Variants in HMCN2 observed in about 807,000 individuals in gnomAD.
HMCN2 encodes hemicentin-2.
A neutral mutation model predicts 377.5 loss-of-function variants in HMCN2; 325 were observed. The ratio of observed to expected loss-of-function variants is 0.86; its 90% confidence interval spans 0.79 to 0.94. The LOEUF (loss-of-function observed/expected upper bound fraction) is 0.94. HMCN2 is among the 40% of genes least tolerant of loss of function. HMCN2 has a pLI of 0.00. For synonymous variants in HMCN2, 2,007 were observed against 2,046.8 expected, an observed-to-expected ratio of 0.98 and a Z score of 0.53; for missense variants, 4,543 against 4,725.3, an observed-to-expected ratio of 0.96 and a Z score of 1.13.
chr9:130,312,714 G>A (rs1837337020), intron 15 of HMCN2, among the ~76,000 whole-genome samples: 2 of 149,016 alleles, frequency 1.3e-5, no homozygotes, highest in Non-Finnish European at 3.0e-5. Context: ...TGCCCAGGCT[G>A]GAGTGCCCAG....
chr9:130,425,724 A>G lies in HMCN2; in HGVS notation c.13679A>G (p.Gln4560Arg), dbSNP rs1332871875. ...EEHYVQTGPG[Q>R]LFVGSTQRFF... ...CACTACGTGCAAACAGGGCCTGGCC[A>G]GCTGTTCGTGGGCTCCACACAGCGC... Residue 4560 changes from glutamine (Q) to arginine (R), a missense_variant, in exon 90 of 98, where the codon CAG becomes CGG. Gln to Arg is a conservative substitution (Grantham distance 43, BLOSUM62 1). Coordinates refer to ENST00000683500, the MANE Select transcript of HMCN2 (RefSeq NM_001291815.2). 6.8e-7 allele frequency: 1 copy of G among 1,481,338 alleles called. No homozygotes were observed. Among genetic ancestry groups the G allele is most frequent in the Admixed American group, 2.2e-5 (1 of 46,378 alleles). 91.8% of individuals were successfully genotyped at this position (1,481,338 alleles called of 1,614,324 possible).
Position 130,393,904 on chromosome 9 carries a change from G to A in HMCN2, c.10397G>A (p.Ser3466Asn). 1.1e-5 allele frequency: 14 copies of A among 1,289,630 alleles called. No individual in the cohort carries two copies. The highest frequency in any genetic ancestry group is 1.4e-5 in the Non-Finnish European group (14 of 988,824). 79.9% of individuals were successfully genotyped at this position (1,289,630 alleles called of 1,614,324 possible). A position where few individuals can be genotyped will look rare whatever the true frequency, so the allele number is the denominator to read the frequency against. ...LLSQSLEQGP[S>N]LQLEAVGAGD... Reference sequence around the variant, plus strand: ...TCCCAGAGCCTCGAGCAGGGGCCCAGCCTGCAGCTGGAGGCAGTGGGAGCT... The same window carrying A: ...TCCCAGAGCCTCGAGCAGGGGCCCAACCTGCAGCTGGAGGCAGTGGGAGCT... The change falls in exon 68 of 98, where the codon AGC (serine) becomes AAC (asparagine). Residue 3466 changes from serine to asparagine, a missense_variant. By Grantham distance (46) the Ser-to-Asn change is conservative. Transcript: ENST00000683500. This position sits in a 1 kb window ranked among gnomAD's most constrained non-coding sequence, Gnocchi z 5.2.
chr9:130,428,350 G>T lies in HMCN2; in HGVS notation c.14066-8G>T. 1 of 1,543,310 alleles carries T rather than the reference G, an allele frequency of 6.5e-7. No homozygotes were observed. On this transcript the variant is annotated splice_polypyrimidine_tract_variant and splice_region_variant and intron_variant, in intron 92 of 97. Transcript: ENST00000683500. The surrounding 1 kb of genome is among the most constrained non-coding windows in gnomAD (Gnocchi z 5.0). Reference sequence around the variant, plus strand: ...TTCACACAGCCGTCTGCCCTGATCTGCCCCCAGATGTGGACGAGTGTGCGT... The same window carrying T: ...TTCACACAGCCGTCTGCCCTGATCTTCCCCCAGATGTGGACGAGTGTGCGT...
In HMCN2 at chr9:130,389,051, C is replaced by T. The variant is rs369903062; in HGVS notation, c.9523+511C>T. 4.3e-4 allele frequency among the ~76,000 whole-genome samples: 66 copies of T among 152,318 alleles called. 2 individuals carry two copies. The South Asian group carries it at 0.013, about 30-fold the overall frequency. ...TCTCCTGGGCCCACTGTGCCTCTCACGCAGGCTCCACGTGGGGCAGAAAGG... is the reference window on the plus strand; with the variant it reads ...TCTCCTGGGCCCACTGTGCCTCTCATGCAGGCTCCACGTGGGGCAGAAAGG... On this transcript the variant is annotated intron_variant, in intron 62 of 97. Coordinates refer to ENST00000683500, the MANE Select transcript of HMCN2 (RefSeq NM_001291815.2).
intron 85 of HMCN2, 120 bp downstream of exon 85, chr9:130,410,772 C>T (rs187931252): frequency 9.7e-5 from 78 of 802,532 alleles, no homozygotes; most frequent in Non-Finnish European, 1.4e-4. Context: ...TTAATACTTA[C>T]TTGGAACACA....
chr9:130,431,164 G>A lies in HMCN2; in HGVS notation c.14648-203G>A, dbSNP rs1588454458. On this transcript the variant is annotated intron_variant, in intron 95 of 97. Coordinates refer to ENST00000683500, the MANE Select transcript of HMCN2 (RefSeq NM_001291815.2). ...CCTTCTATGCCTTGGTGAGCACGGGGTAGGTAAGGTGGGGCTCCTCCCTCT... is the reference window on the plus strand; with the variant it reads ...CCTTCTATGCCTTGGTGAGCACGGGATAGGTAAGGTGGGGCTCCTCCCTCT... 8.3e-6 allele frequency: 5 copies of A among 604,430 alleles called. No individual in the cohort carries two copies. In the East Asian group the frequency reaches 1.1e-4, roughly 13 times the overall value. 37.4% of individuals were successfully genotyped at this position (604,430 alleles called of 1,614,324 possible).
In HMCN2 at chr9:130,394,624, G is replaced by T. The variant is rs1181539350; in HGVS notation, c.10692+49G>T. 1 of 1,227,802 alleles carries T rather than the reference G, an allele frequency of 8.1e-7. No homozygotes were observed. The highest frequency in any genetic ancestry group is 5.7e-5 in the East Asian group (1 of 17,518). The allele number at this position is 1,227,802 out of a possible 1,614,324, so 76.1% of individuals were successfully genotyped here. Reference sequence around the variant, plus strand: ...CGAGGCTGGGGGTTGGGGGAGAGGGGAGGGACTGCAGGTTCCCCAGACCCA... The same window carrying T: ...CGAGGCTGGGGGTTGGGGGAGAGGGTAGGGACTGCAGGTTCCCCAGACCCA... On this transcript the variant is annotated intron_variant, in intron 69 of 97. Transcript: ENST00000683500. The surrounding 1 kb of genome is among the most constrained non-coding windows in gnomAD (Gnocchi z 5.1).
intron 1 of HMCN2, among the ~76,000 whole-genome samples, chr9:130,277,730 CCAT>C (rs1463995067): frequency 2.4e-4 from 34 of 142,104 alleles, no homozygotes; most frequent in Admixed American, 4.2e-4. Context: ...ACCACCACCA[CCAT>C]CATCATCACC....
chr9:130,342,296 G>A (rs1447073093), intron 24 of HMCN2, 54 bp from the exon 25 acceptor site: 1 of 152,316 alleles, frequency 6.6e-6, no homozygotes, highest in Non-Finnish European at 1.5e-5. Context: ...AGGGGTTGAG[G>A]GGTGCCAGGC....
intron 55 of HMCN2, 93 bp downstream of exon 55, chr9:130,382,390 T>G (rs1841776314): frequency 2.2e-6 from 1 of 444,724 alleles, no homozygotes; most frequent in African/African-American, 2.1e-5. Context: ...GCACACAGTC[T>G]TGCTGTACTC....
intron 76 of HMCN2, chr9:130,400,258 TG>T (rs1554967815): frequency 1.3e-5 from 2 of 153,012 alleles, no homozygotes; most frequent in Non-Finnish European, 2.9e-5. Flanking sequence ...TATAGAAAGC[TG>T]TATCCCACTG....
At chr9:130,373,262 A>G in intron 48 of HMCN2, 138 bp downstream of exon 48, 1 of 158,006 alleles carries the variant, frequency 6.3e-6, no homozygotes, top group Middle Eastern at 3.2e-3. Flanking sequence ...TGGACTCGGC[A>G]CCAGGTCCCA....
intron 1 of HMCN2, among the ~76,000 whole-genome samples, chr9:130,282,517 G>A (rs1309674047): frequency 6.6e-6 from 1 of 152,184 alleles, no homozygotes; most frequent in Non-Finnish European, 1.5e-5. Context: ...GTGTAGTTCA[G>A]AGGAAAGGAC....
chr9:130,280,905 A>C (rs374169471), intron 1 of HMCN2, among the ~76,000 whole-genome samples: 1 of 152,020 alleles, frequency 6.6e-6, no homozygotes, highest in East Asian at 1.9e-4. Context: ...GGAGATCGAG[A>C]CCATCCTGGC....
rs545594905 is a variant in HMCN2, at chr9:130,268,852, A to G, written c.259+2715A>G. ...AAGGGCAAGATTGGACACAGCCGTG[A>G]GTGCAGGGCCGATTGATGCCTTGGC... On this transcript the variant is annotated intron_variant, in intron 1 of 97. Transcript: ENST00000683500. 8.1e-5 allele frequency among the ~76,000 whole-genome samples: 12 copies of G among 148,726 alleles called. 1 individual carries two copies. In the South Asian group the frequency reaches 2.4e-3, roughly 30 times the overall value.
rs1189735966 is a variant in HMCN2 at position 130,355,052 on chromosome 9, C to T, written c.5146+8C>T. The T allele has an allele frequency of 1.9e-5, 24 of 1,265,176 alleles. No homozygotes were observed. The highest frequency in any genetic ancestry group is 2.3e-5 in the Non-Finnish European group (22 of 973,278). 78.4% of individuals were successfully genotyped at this position (1,265,176 alleles called of 1,614,324 possible). On this transcript the variant is annotated splice_region_variant and intron_variant, in intron 32 of 97. Coordinates refer to ENST00000683500, the MANE Select transcript of HMCN2 (RefSeq NM_001291815.2). ...ACTCCGTGGAGGTTCAGGGTGAGCCCGGCCCACCCCACTCAGAGCTGCCTG... is the reference window on the plus strand; with the variant it reads ...ACTCCGTGGAGGTTCAGGGTGAGCCTGGCCCACCCCACTCAGAGCTGCCTG...
At chr9:130,277,501 G>A (rs1834758430) in intron 1 of HMCN2, among the ~76,000 whole-genome samples, 2 of 152,146 alleles carry the variant, frequency 1.3e-5, no homozygotes, top group South Asian at 4.1e-4. Flanking sequence ...CTTCCTGGTT[G>A]TAATTCCTTG....
In HMCN2 at chr9:130,403,955, C is replaced by T. The variant is rs1346546096; in HGVS notation, c.12148+80C>T. On this transcript the variant is annotated intron_variant, in intron 80 of 97. Transcript: ENST00000683500. ...TTCTGCAAGCTTCTCCCTTCTCTGC[C>T]TGGCAGGGCACACTGCTTATAGTTC... The T allele has an allele frequency of 6.7e-6, 8 of 1,195,210 alleles. No homozygotes were observed. The African/African-American group carries it at 1.3e-4, about 19-fold the overall frequency. 74.0% of individuals were successfully genotyped at this position (1,195,210 alleles called of 1,614,324 possible).
chr9:130,424,164 TATATA>T (rs199904160), intron 87 of HMCN2, among the ~76,000 whole-genome samples: 161 of 133,144 alleles, frequency 1.2e-3, no homozygotes, highest in African/African-American at 5.0e-3. Context: ...TATATATATA[TATATA>T]TTTTTTTTTT....
Sources: gnomAD v4.1 joint callset for allele counts (sites outside exome capture counted in the v4.1 genomes callset) on GRCh38, gnomAD v4.1.1 for gene constraint, Gnocchi (gnomAD v3.1) non-coding constraint, MANE v1.5 for transcripts, NCBI Gene and HGNC (gene_info 2026-07-23, HGNC 2026-07-21) for gene names.